AAK1: variants seen among roughly 807,000 people sequenced by gnomAD.
AAK1 encodes the protein AP2-associated protein kinase 1.
AAK1 carries 37 observed loss-of-function variants against 116.0 expected under a neutral mutation model. The ratio of observed to expected loss-of-function variants is 0.32; its 90% CI spans 0.25 to 0.42. The LOEUF (loss-of-function observed/expected upper bound fraction) is 0.42, where lower values mean the gene tolerates loss of function less well. Ranked by LOEUF, AAK1 falls within the 10% of genes least tolerant of loss-of-function variation. The pLI, the probability that AAK1 is intolerant of heterozygous loss-of-function variation, is 1.00. For missense variants in AAK1, 919 were observed against 1,170.6 expected, an observed-to-expected ratio of 0.79 and a Z score of 3.14; for synonymous variants, 458 against 439.9, an observed-to-expected ratio of 1.04 and a Z score of -0.51.
intron 2 of AAK1, among the ~76,000 whole-genome samples, chr2:69,584,774 C>T (rs991876790): frequency 3.3e-5 from 5 of 152,178 alleles, no homozygotes; most frequent in African/African-American, 1.2e-4. Context: ...TCTTTGAACT[C>T]CCTCAACCTT....
chr2:69,492,415 T>C (rs995940399), intron 17 of AAK1, among the ~76,000 whole-genome samples: 16 of 151,984 alleles, frequency 1.1e-4, no homozygotes, highest in African/African-American at 3.4e-4. Context: ...GGTCCCACCA[T>C]GTTGGCCAGA....
intron 2 of AAK1, among the ~76,000 whole-genome samples, chr2:69,570,702 T>C (rs898424095): frequency 2.0e-5 from 3 of 152,172 alleles, no homozygotes; most frequent in Admixed American, 6.5e-5. Flanking sequence ...TGGTAGATGA[T>C]TAATAGATGT....
In AAK1 at chr2:69,573,581, C is replaced by T. The variant is rs140764210; in HGVS notation, c.164-16603G>A. Among the ~76,000 whole-genome samples, 989 of 152,272 alleles carry T rather than the reference C, an allele frequency of 6.5e-3. 22 individuals are homozygous for T. The highest frequency in any genetic ancestry group is 0.012 in the East Asian group (64 of 5,188). On this transcript the variant is annotated intron_variant, in intron 2 of 21. Transcript: ENST00000409085. ...AGACCTCTGGTAGAATGTTGGCTGG[C>T]GTGTGCCTGGAAAGCAATGTGGCAA...
At position 69,643,699 on chromosome 2, in the gene AAK1, G is replaced by C; in HGVS notation, c.-359C>G. The C allele has an allele frequency of 8.2e-7, 1 of 1,217,428 alleles. No individual in the cohort carries two copies. Among genetic ancestry groups the C allele is most frequent in the South Asian group, 4.2e-5 (1 of 23,830 alleles). The allele number at this position is 1,217,428 out of a possible 1,614,324, so 75.4% of individuals were successfully genotyped here. The stretch of plus-strand genomic sequence containing the variant: ...AGAGCCGGGGCCGCGCTCGGCTCCC[G>C]CCCGCCCGCCAGCTGATCCCGGGAG... On this transcript the variant is annotated 5_prime_UTR_variant, in exon 1 of 22. Transcript: ENST00000409085.
At chr2:69,610,211 G>A (rs1365311246) in intron 2 of AAK1, among the ~76,000 whole-genome samples, 5 of 152,072 alleles carry the variant, frequency 3.3e-5, no homozygotes, top group Non-Finnish European at 2.9e-5. Flanking sequence ...TCACATATAT[G>A]GTCAAATGAT....
intron 4 of AAK1, 106 bp from the exon 5 acceptor site, chr2:69,542,771 A>G: frequency 7.8e-7 from 1 of 1,286,466 alleles, no homozygotes; most frequent in East Asian, 2.4e-5. Context: ...GGACTAAGGT[A>G]ACAGAGCTGA....
Position 69,467,763 on chromosome 2 carries a change from T to A in AAK1, c.*8106A>T. ...CCCCTGCTAAAGTTTCTGCATGAAT[T>A]AAGCACACAGACCACAGCAGAAGAG... is the stretch of plus-strand genomic sequence containing the variant. On this transcript the variant is annotated 3_prime_UTR_variant, in exon 22 of 22. Transcript: ENST00000409085. 2.0e-6 allele frequency: 2 copies of A among 985,448 alleles called. No individual in the cohort carries two copies. Among genetic ancestry groups the A allele is most frequent in the Non-Finnish European group, 2.4e-6 (2 of 829,940 alleles). The allele number at this position is 985,448 out of a possible 1,614,324, so 61.0% of individuals were successfully genotyped here.
chr2:69,574,628 A>G (rs1672225722), intron 2 of AAK1, among the ~76,000 whole-genome samples: 1 of 152,010 alleles, frequency 6.6e-6, no homozygotes, highest in African/African-American at 2.4e-5. Context: ...TTAAAAAAAA[A>G]TAGTTTGTTT....
At chr2:69,606,782 G>A (rs1291685120) in intron 2 of AAK1, among the ~76,000 whole-genome samples, 2 of 152,168 alleles carry the variant, frequency 1.3e-5, no homozygotes, top group Non-Finnish European at 2.9e-5. Context: ...AAGTAGGTTA[G>A]AGGCTAGGTG....
chr2:69,612,496 G>A (rs573589869), intron 2 of AAK1, among the ~76,000 whole-genome samples: 11 of 152,336 alleles, frequency 7.2e-5, no homozygotes, highest in Admixed American at 5.9e-4. Context: ...AAGATGCTAT[G>A]AGAATGGCAC....
intron 13 of AAK1, among the ~76,000 whole-genome samples, chr2:69,510,062 G>A (rs1676332808): frequency 1.3e-5 from 2 of 152,212 alleles, no homozygotes; most frequent in South Asian, 4.2e-4. Context: ...TTTTAGGTTC[G>A]GGGGTACATG....
chr2:69,462,449 G>C lies in AAK1; in HGVS notation c.*13420C>G, dbSNP rs2104854009. On this transcript the variant is annotated 3_prime_UTR_variant, in exon 22 of 22. Coordinates refer to ENST00000409085, the MANE Select transcript of AAK1 (RefSeq NM_014911.5). The stretch of plus-strand genomic sequence containing the variant: ...TAATCCTAGCACTTTGGGAAGCCAA[G>C]GTGGGTGGATCACAAGGTCAAGAGT... 1 of 152,182 alleles carries C rather than the reference G, an allele frequency of 6.6e-6. No individual in the cohort carries two copies. The highest frequency in any genetic ancestry group is 1.9e-4 in the East Asian group (1 of 5,184). The allele number at this position is 152,182 out of a possible 1,614,324, so 9.4% of individuals were successfully genotyped here. A position where few individuals can be genotyped will look rare whatever the true frequency, so the allele number is the denominator to read the frequency against.
chr2:69,577,818 C>T (rs1672374930), intron 2 of AAK1, among the ~76,000 whole-genome samples: 2 of 152,202 alleles, frequency 1.3e-5, no homozygotes, highest in South Asian at 4.1e-4. Context: ...AGAGCCAGCA[C>T]ATTCCCATGG....
At chr2:69,637,846 T>G (rs760545256) in intron 2 of AAK1, among the ~76,000 whole-genome samples, 1 of 152,104 alleles carries the variant, frequency 6.6e-6, no homozygotes, top group Non-Finnish European at 1.5e-5. Flanking sequence ...AGGGTACAAG[T>G]GTATGTCTCC....
intron 18 of AAK1, 94 bp from the exon 19 acceptor site, chr2:69,481,055 T>A (rs1179146180): frequency 9.1e-7 from 1 of 1,102,848 alleles, no homozygotes; most frequent in South Asian, 1.6e-5. Flanking sequence ...TCTTTTTTTT[T>A]AATTCTCATT....
chr2:69,499,127 T>C (rs2104942501), intron 16 of AAK1, among the ~76,000 whole-genome samples: 1 of 152,282 alleles, frequency 6.6e-6, no homozygotes, highest in South Asian at 2.1e-4. Flanking sequence ...ACTGTGAGTA[T>C]CTGCCCTCTT....
chr2:69,587,358 CAT>C (rs1333091280), intron 2 of AAK1, among the ~76,000 whole-genome samples: 49 of 133,424 alleles, frequency 3.7e-4, no homozygotes, highest in African/African-American at 1.4e-3. Flanking sequence ...CATATATACA[CAT>C]ATGCGTGTAC....
Position 69,459,927 on chromosome 2 carries a change from A to G in AAK1, c.*15942T>C, listed in dbSNP as rs1674300016. The stretch of plus-strand genomic sequence containing the variant: ...ACTACAAGTATCAGCTGAGAAAGAC[A>G]AAGAAAAAACTAAGAATTTAAATTA... On this transcript the variant is annotated 3_prime_UTR_variant, in exon 22 of 22. Coordinates refer to ENST00000409085, the MANE Select transcript of AAK1 (RefSeq NM_014911.5). The G allele has an allele frequency of 6.6e-6, 1 of 152,088 alleles. No individual in the cohort carries two copies. Among genetic ancestry groups the G allele is most frequent in the Non-Finnish European group, 1.5e-5 (1 of 67,972 alleles). 9.4% of individuals were successfully genotyped at this position (152,088 alleles called of 1,614,324 possible).
intron 3 of AAK1, among the ~76,000 whole-genome samples, chr2:69,550,650 C>A (rs1267618552): frequency 6.6e-6 from 1 of 150,534 alleles, no homozygotes; most frequent in African/African-American, 2.4e-5. Context: ...GAATCTTGTT[C>A]TGTCGCCCAG....
Sources: gnomAD v4.1 joint callset for allele counts (sites outside exome capture counted in the v4.1 genomes callset) on GRCh38, gnomAD v4.1.1 for gene constraint, MANE v1.5 for transcripts, NCBI Gene and HGNC (gene_info 2026-07-23, HGNC 2026-07-21) for gene names.